GABRB2: variants seen among roughly 807,000 people sequenced by gnomAD.
The protein encoded by GABRB2 is gamma-aminobutyric acid receptor subunit beta-2.
Under a neutral mutation model 54.7 loss-of-function variants are expected in GABRB2, and 16 were observed. The ratio of observed to expected loss-of-function variants is 0.29; its 90% CI spans 0.20 to 0.44. GABRB2 has a LOEUF of 0.44. Among genes scored for constraint, GABRB2 ranks in the 20% least tolerant of loss-of-function variants. The pLI is 1.00. For synonymous variants in GABRB2, 244 were observed against 233.8 expected (o/e 1.04, Z -0.40); for missense variants, 355 against 644.0 (o/e 0.55, Z 4.86).
chr5:161,347,627 G>T (rs1257721691), intron 5 of GABRB2, among the ~76,000 whole-genome samples: 1 of 152,084 alleles, frequency 6.6e-6, no homozygotes, highest in African/African-American at 2.4e-5. Flanking sequence ...CATCATGGCA[G>T]CTAGCCAGAC....
intron 4 of GABRB2, among the ~76,000 whole-genome samples, chr5:161,448,951 G>A (rs1337743971): frequency 1.3e-5 from 2 of 152,096 alleles, no homozygotes; most frequent in Non-Finnish European, 2.9e-5. Context: ...AACTAATAGA[G>A]CCATATTCAT....
chr5:161,508,447 G>A (rs1358511102), intron 3 of GABRB2, among the ~76,000 whole-genome samples: 4 of 151,262 alleles, frequency 2.6e-5, no homozygotes, highest in African/African-American at 9.7e-5. Context: ...GGATTTGCAT[G>A]CAATTCCTTT....
chr5:161,411,137 A>G (rs958878407), intron 4 of GABRB2, 80 bp from the exon 5 acceptor site: 3 of 1,057,102 alleles, frequency 2.8e-6, no homozygotes, highest in African/African-American at 3.2e-5. Context: ...GTATCAAAGA[A>G]GAGACTGTGA....
At chr5:161,324,852 A>G (rs964701081) in intron 9 of GABRB2, among the ~76,000 whole-genome samples, 3 of 152,140 alleles carry the variant, frequency 2.0e-5, no homozygotes, top group Admixed American at 6.5e-5. Context: ...TTTTCATTGA[A>G]CATTTTTGTT....
At position 161,326,415 on chromosome 5, in the gene GABRB2, G is replaced by T; in HGVS notation, c.1144C>A (p.Leu382Ile). ...TTGGTAGTCCGTCTAGTTGGGGAGA[G>T]GTTTCCAGTAGGGTCCCACAAGGAT... is the stretch of plus-strand genomic sequence containing the variant. ...YRSLWDPTGN[L>I]SPTRRTTNYD... Residue 382 changes from leucine to isoleucine, a missense_variant, in exon 9 of 10, where the codon CTC becomes ATC. Coordinates refer to ENST00000393959, the MANE Select transcript of GABRB2 (RefSeq NM_001371727.1). 6.2e-7 allele frequency: 1 copy of T among 1,613,626 alleles called. No homozygotes were observed. Among genetic ancestry groups the T allele is most frequent in the Non-Finnish European group, 8.5e-7 (1 of 1,179,670 alleles).
chr5:161,453,808 G>A (rs1032770215), intron 4 of GABRB2, among the ~76,000 whole-genome samples: 4 of 151,982 alleles, frequency 2.6e-5, no homozygotes, highest in Non-Finnish European at 5.9e-5. Flanking sequence ...AGGTCGGGGT[G>A]GGCAGATCAT....
rs143842200 is a variant in GABRB2, at chr5:161,452,037, A to G, written c.458+7587T>C. 2.0e-5 allele frequency among the ~76,000 whole-genome samples: 3 copies of G among 152,296 alleles called. No homozygotes were observed. In the East Asian group the frequency reaches 5.8e-4, roughly 29 times the overall value. On this transcript the variant is annotated intron_variant, in intron 4 of 9. Coordinates refer to ENST00000393959, the MANE Select transcript of GABRB2 (RefSeq NM_001371727.1). ...TATGATGTAATATTAATGACTTGGT[A>G]TAAATAATATACAGCCAACTTATAT...
chr5:161,333,976 T>G lies in GABRB2; in HGVS notation c.832+776A>C, dbSNP rs73797573. On this transcript the variant is annotated intron_variant, in intron 7 of 9. Transcript: ENST00000393959. ...CTGCTAGATATAACTTTCAGAAGAC[T>G]GCTCTATCTCCAGTGCTTAGTACAA... 4.1e-3 allele frequency among the ~76,000 whole-genome samples: 622 copies of G among 152,370 alleles called. 7 individuals carry two copies. Among genetic ancestry groups the G allele is most frequent in the African/African-American group, 0.013 (550 of 41,596 alleles).
intron 3 of GABRB2, among the ~76,000 whole-genome samples, chr5:161,521,221 G>T (rs1760103404): frequency 6.6e-6 from 1 of 151,814 alleles, no homozygotes; most frequent in Non-Finnish European, 1.5e-5. Flanking sequence ...AATATATTTG[G>T]TGTTTGCCCC....
At chr5:161,417,458 A>T (rs1756711513) in intron 4 of GABRB2, among the ~76,000 whole-genome samples, 1 of 152,128 alleles carries the variant, frequency 6.6e-6, no homozygotes, top group African/African-American at 2.4e-5. Context: ...TGAATTTTGG[A>T]TGTTTGACTC....
At chr5:161,403,665 CA>C (rs1756269004) in intron 5 of GABRB2, among the ~76,000 whole-genome samples, 1 of 151,858 alleles carries the variant, frequency 6.6e-6, no homozygotes, top group African/African-American at 2.4e-5. Context: ...TGTTTAAAAC[CA>C]AAAGGATATT....
At chr5:161,310,541 A>C (rs1757831059) in intron 9 of GABRB2, among the ~76,000 whole-genome samples, 1 of 152,146 alleles carries the variant, frequency 6.6e-6, no homozygotes, top group Non-Finnish European at 1.5e-5. Context: ...GGCCAGATAC[A>C]TTAAAGATGA....
intron 8 of GABRB2, chr5:161,330,525 C>G (rs757684247): frequency 5.9e-6 from 1 of 169,772 alleles, no homozygotes; most frequent in Non-Finnish European, 1.3e-5. Flanking sequence ...AAGCTATTGT[C>G]CAGCAAGTAA....
At chr5:161,425,358 A>C (rs1756968746) in intron 4 of GABRB2, among the ~76,000 whole-genome samples, 1 of 152,052 alleles carries the variant, frequency 6.6e-6, no homozygotes, top group Non-Finnish European at 1.5e-5. Flanking sequence ...ATTTTAATAA[A>C]TTGTTCCAGA....
chr5:161,495,798 A>C (rs1483732488), intron 3 of GABRB2, among the ~76,000 whole-genome samples: 3 of 152,130 alleles, frequency 2.0e-5, no homozygotes, highest in Non-Finnish European at 4.4e-5. Flanking sequence ...GTGGCAGCAC[A>C]CAAGAAAGGG....
At chr5:161,491,694 T>C (rs1263385654) in intron 3 of GABRB2, among the ~76,000 whole-genome samples, 3 of 151,596 alleles carry the variant, frequency 2.0e-5, no homozygotes, top group Non-Finnish European at 4.4e-5. Flanking sequence ...CTCTTAATTA[T>C]AAAGGTAAGA....
At chr5:161,546,448 A>C (rs766808111) in intron 1 of GABRB2, 35 bp from the exon 2 acceptor site, 1 of 1,597,784 alleles carries the variant, frequency 6.3e-7, no homozygotes, top group Non-Finnish European at 8.6e-7. Context: ...AGGCATCAAT[A>C]AGGAAGCAGG....
intron 5 of GABRB2, among the ~76,000 whole-genome samples, chr5:161,338,948 C>G (rs1754075218): frequency 6.6e-6 from 1 of 152,046 alleles, no homozygotes; most frequent in South Asian, 2.1e-4. Flanking sequence ...GATGCCTATC[C>G]CATAGGATAA....
chr5:161,430,911 T>C (rs1757155999), intron 4 of GABRB2, among the ~76,000 whole-genome samples: 1 of 152,166 alleles, frequency 6.6e-6, no homozygotes, highest in East Asian at 1.9e-4. Flanking sequence ...AAATTGCTTT[T>C]ATAATTCATT....
Sources: allele counts gnomAD v4.1 joint callset (sites outside exome capture counted in the v4.1 genomes callset), GRCh38; gene constraint gnomAD v4.1.1; transcripts MANE v1.5; gene names NCBI Gene and HGNC (gene_info 2026-07-23, HGNC 2026-07-21).